CCDC85C: variants seen among roughly 807,000 people sequenced by gnomAD.
CCDC85C encodes the protein coiled-coil domain containing 85C.
In CCDC85C, 18 loss-of-function variants were observed where a neutral mutation model predicts 38.3. That is an observed-to-expected ratio of 0.47 (90% CI 0.33 to 0.70). The LOEUF (loss-of-function observed/expected upper bound fraction) is 0.70. CCDC85C is among the 30% of genes least tolerant of loss of function. The pLI, the probability that CCDC85C is intolerant of heterozygous loss-of-function variation, is 0.03. For missense variants in CCDC85C, 566 were observed against 621.2 expected, an observed-to-expected ratio of 0.91 and a Z score of 0.94; for synonymous variants, 264 against 293.8, an observed-to-expected ratio of 0.90 and a Z score of 1.04.
rs1398262898 is a variant in CCDC85C at position 99,512,142 on chromosome 14, T to TATCA, written c.*3100_*3103dup. 1.3e-5 allele frequency: 2 copies of TATCA among 152,200 alleles called. No homozygotes were observed. The highest frequency in any genetic ancestry group is 2.4e-5 in the African/African-American group (1 of 41,454). The allele number at this position is 152,200 out of a possible 1,614,324, so 9.4% of individuals were successfully genotyped here. A position where few individuals can be genotyped will look rare whatever the true frequency, so the allele number is the denominator to read the frequency against. ...GTTCAAATCAATGTTTTTACCACAC[T>TATCA]ATCAAAAAGTTCTATTTCTTCTTGT... On this transcript the variant is annotated 3_prime_UTR_variant, in exon 6 of 6. Transcript: ENST00000380243.
At chr14:99,517,419 C>A (rs927444638) in intron 3 of CCDC85C, among the ~76,000 whole-genome samples, 2 of 152,116 alleles carry the variant, frequency 1.3e-5, no homozygotes, top group Non-Finnish European at 2.9e-5. Context: ...AGCACAGAGG[C>A]AAGAGGGGCA....
intron 1 of CCDC85C, among the ~76,000 whole-genome samples, chr14:99,583,502 C>CAAAA (rs35333670): frequency 3.5e-5 from 3 of 85,394 alleles, no homozygotes; most frequent in African/African-American, 4.8e-5. Context: ...AACTCCTTCT[C>CAAAA]AAAAAAAAAA....
chr14:99,530,485 A>G lies in CCDC85C; in HGVS notation c.867+5530T>C, dbSNP rs1372436641. Among the ~76,000 whole-genome samples, 16 of 151,988 alleles carry G rather than the reference A, an allele frequency of 1.1e-4. 1 individual carries two copies. Among genetic ancestry groups the G allele is most frequent in the Admixed American group, 1.0e-3 (16 of 15,266 alleles). ...ACCACCGCGACGCCAGCATCTCCGG[A>G]GGAACCCGGGCTCAGGACAGCCCAT... On this transcript the variant is annotated intron_variant, in intron 2 of 5. Transcript: ENST00000380243.
intron 2 of CCDC85C, among the ~76,000 whole-genome samples, chr14:99,530,322 A>C (rs576957967): frequency 2.0e-5 from 3 of 152,242 alleles, no homozygotes; most frequent in Admixed American, 1.3e-4. Context: ...TCCTCCAGAG[A>C]CCCAAAGACT....
Position 99,511,096 on chromosome 14 carries a change from A to C in CCDC85C, c.*4150T>G. ...TTAACCAGCCATATTGGCTCAATAA[A>C]TAGCTTCGGTAAGGAGTTAATTTCC... On this transcript the variant is annotated 3_prime_UTR_variant, in exon 6 of 6. Transcript: ENST00000380243. 4.6e-6 allele frequency: 1 copy of C among 218,670 alleles called. No homozygotes were observed. The allele number at this position is 218,670 out of a possible 1,614,324, so 13.5% of individuals were successfully genotyped here. A position where few individuals can be genotyped will look rare whatever the true frequency, so the allele number is the denominator to read the frequency against.
At chr14:99,590,454 T>A (rs2055073579) in intron 1 of CCDC85C, among the ~76,000 whole-genome samples, 1 of 152,140 alleles carries the variant, frequency 6.6e-6, no homozygotes. Context: ...CTGGGAGGCC[T>A]GATGGGTTGT....
chr14:99,543,273 A>G (rs941545), intron 1 of CCDC85C, among the ~76,000 whole-genome samples: 80,966 of 151,594 alleles, frequency 0.53, 21,740 homozygotes, highest in South Asian at 0.58. Context: ...GGACCCTGCC[A>G]TGCAGAACCC....
intron 1 of CCDC85C, among the ~76,000 whole-genome samples, chr14:99,543,887 A>G (rs1457946605): frequency 6.6e-6 from 1 of 152,360 alleles, no homozygotes; most frequent in East Asian, 1.9e-4. Context: ...GCATGGAGCC[A>G]GGCAGGCCTC....
rs1428909868 is a variant in CCDC85C at position 99,533,409 on chromosome 14, A to G, written c.867+2606T>C. 6.6e-6 allele frequency among the ~76,000 whole-genome samples: 1 copy of G among 152,254 alleles called. No individual in the cohort carries two copies. The highest frequency in any genetic ancestry group is 1.5e-5 in the Non-Finnish European group (1 of 68,040). ...CAGCAGCATGGCTTGACTGGGCATCATTTGGTGAGAAAGCAAATTTCTGCT... is the reference window on the plus strand; with the variant it reads ...CAGCAGCATGGCTTGACTGGGCATCGTTTGGTGAGAAAGCAAATTTCTGCT... On this transcript the variant is annotated intron_variant, in intron 2 of 5. Transcript: ENST00000380243. This position sits in a 1 kb window ranked among gnomAD's most constrained non-coding sequence, Gnocchi z 4.2.
At chr14:99,517,029 C>G in intron 4 of CCDC85C, 59 bp downstream of exon 4, 1 of 1,465,426 alleles carries the variant, frequency 6.8e-7, no homozygotes, top group Non-Finnish European at 9.4e-7. Context: ...AAAGGTCCCA[C>G]AGTCTCACAG....
rs1335278089 is a variant in CCDC85C, at chr14:99,500,888, CAGA to C, written c.*14355_*14357del. On this transcript the variant is annotated 3_prime_UTR_variant, in exon 6 of 6. Transcript: ENST00000380243. ...AACTCAAAGGTAAGAAGAAAGTTTT[CAGA>C]AGAATTTTTTCATTCTGAAATCAAG... 7.1e-7 allele frequency: 1 copy of C among 1,409,260 alleles called. No individual in the cohort carries two copies. Among genetic ancestry groups the C allele is most frequent in the Non-Finnish European group, 9.7e-7 (1 of 1,031,260 alleles). The allele number at this position is 1,409,260 out of a possible 1,614,324, so 87.3% of individuals were successfully genotyped here.
In CCDC85C at chr14:99,604,185, G is replaced by A. The variant is rs1258219712; in HGVS notation, c.-226C>T. Among the ~76,000 whole-genome samples, 1 of 148,190 alleles carries A rather than the reference G, an allele frequency of 6.7e-6. No homozygotes were observed. Among genetic ancestry groups the A allele is most frequent in the African/African-American group, 2.4e-5 (1 of 40,996 alleles). ...GGCGGCTGCTGCGTCGGCGGCCGCG[G>A]TGCCGGGCGCTCTCAGGGTTCTGGA... On this transcript the variant is annotated 5_prime_UTR_variant, in exon 1 of 6. Transcript: ENST00000380243.
rs982654431 is a variant in CCDC85C at position 99,548,129 on chromosome 14, C to T, written c.794-12041G>A. On this transcript the variant is annotated intron_variant, in intron 1 of 5. Transcript: ENST00000380243. This position sits in a 1 kb window ranked among gnomAD's most constrained non-coding sequence, Gnocchi z 4.9. ...CGCTGCCAGAGAGTGGCTAGGTGAG[C>T]AGAGTTGGACAACAAGCTGCCATCT... Among the ~76,000 whole-genome samples the T allele has an allele frequency of 6.6e-6, 1 of 152,072 alleles. No homozygotes were observed. The highest frequency in any genetic ancestry group is 1.5e-5 in the Non-Finnish European group (1 of 68,026).
At chr14:99,567,066 G>C (rs1172709831) in intron 1 of CCDC85C, among the ~76,000 whole-genome samples, 1 of 152,212 alleles carries the variant, frequency 6.6e-6, no homozygotes, top group Non-Finnish European at 1.5e-5. Context: ...AAGTAGTCCA[G>C]GCCTAGATTC....
At chr14:99,532,782 CTT>C (rs34038396) in intron 2 of CCDC85C, among the ~76,000 whole-genome samples, 10 of 124,366 alleles carry the variant, frequency 8.0e-5, no homozygotes, top group Admixed American at 8.5e-5. Flanking sequence ...TCTTCTTCTT[CTT>C]TTTTTTTTTT....
chr14:99,515,351 A>C lies in CCDC85C; in HGVS notation c.1171-16T>G. 1.3e-6 allele frequency: 2 copies of C among 1,545,280 alleles called. No individual in the cohort carries two copies. The highest frequency in any genetic ancestry group is 4.9e-5 in the East Asian group (2 of 40,864). Reference sequence around the variant, plus strand: ...TCCAGACCACCTGTGGAGAGGAGAGAGATGTGAGTGGTGGGACTCACCCGC... The same window carrying C: ...TCCAGACCACCTGTGGAGAGGAGAGCGATGTGAGTGGTGGGACTCACCCGC... On this transcript the variant is annotated splice_polypyrimidine_tract_variant and intron_variant, in intron 5 of 5. Transcript: ENST00000380243.
chr14:99,596,087 G>A (rs1250398059), intron 1 of CCDC85C, among the ~76,000 whole-genome samples: 1 of 152,226 alleles, frequency 6.6e-6, no homozygotes, highest in Admixed American at 6.5e-5. Context: ...GTGGGCCCCT[G>A]TCTTTCTCAA....
chr14:99,516,911 C>T lies in CCDC85C; in HGVS notation c.1071+177G>A, dbSNP rs1168085873. 6.6e-6 allele frequency among the ~76,000 whole-genome samples: 1 copy of T among 152,148 alleles called. No homozygotes were observed. Among genetic ancestry groups the T allele is most frequent in the Non-Finnish European group, 1.5e-5 (1 of 68,012 alleles). On this transcript the variant is annotated intron_variant, in intron 4 of 5. Transcript: ENST00000380243. This position sits in a 1 kb window ranked among gnomAD's most constrained non-coding sequence, Gnocchi z 5.5. Reference sequence around the variant, plus strand: ...TGGCAGACAGGTGACACACTTATGACTGCCACCTCTGAGTTCAACCTCACA... The same window carrying T: ...TGGCAGACAGGTGACACACTTATGATTGCCACCTCTGAGTTCAACCTCACA...
chr14:99,581,105 A>C (rs1462495846), intron 1 of CCDC85C, among the ~76,000 whole-genome samples: 2 of 152,154 alleles, frequency 1.3e-5, no homozygotes, highest in Non-Finnish European at 2.9e-5. Context: ...GGCTGGTTCC[A>C]CGATCGCTGA....
Sources: allele counts gnomAD v4.1 joint callset (sites outside exome capture counted in the v4.1 genomes callset), GRCh38; gene constraint gnomAD v4.1.1; non-coding constraint Gnocchi (gnomAD v3.1); transcripts MANE v1.5; gene names NCBI Gene and HGNC (gene_info 2026-07-23, HGNC 2026-07-21).